TENT4B: variants seen among roughly 807,000 people sequenced by gnomAD.
The protein encoded by TENT4B is terminal nucleotidyltransferase 4B.
Under a neutral mutation model 75.0 loss-of-function variants are expected in TENT4B, and 10 were observed. The ratio of observed to expected loss-of-function variants is 0.13; its 90% CI spans 0.08 to 0.23. The LOEUF is 0.23. Among genes scored for constraint, TENT4B ranks in the 10% least tolerant of loss-of-function variants. The pLI, the probability that TENT4B is intolerant of heterozygous loss-of-function variation, is 1.00. For synonymous variants in TENT4B, 350 were observed against 357.7 expected (o/e 0.98, Z 0.24); for missense variants, 579 against 893.8 (o/e 0.65, Z 4.49).
chr16:50,231,408 A>G lies in TENT4B; in HGVS notation c.*2080A>G. 1.0e-6 allele frequency: 1 copy of G among 984,306 alleles called. No homozygotes were observed. Among genetic ancestry groups the G allele is most frequent in the South Asian group, 4.7e-5 (1 of 21,254 alleles). The allele number at this position is 984,306 out of a possible 1,614,324, so 61.0% of individuals were successfully genotyped here. On this transcript the variant is annotated 3_prime_UTR_variant, in exon 12 of 12. Coordinates refer to ENST00000561678, the MANE Select transcript of TENT4B (RefSeq NM_001365324.3). ...CCAGTATTAGCTGCCTATTTCAGACACTTAATACTTGCAGAGATCTATGTT... is the reference window on the plus strand; with the variant it reads ...CCAGTATTAGCTGCCTATTTCAGACGCTTAATACTTGCAGAGATCTATGTT...
intron 1 of TENT4B, among the ~76,000 whole-genome samples, chr16:50,207,079 T>C (rs557988881): frequency 6.6e-6 from 1 of 152,158 alleles, no homozygotes; most frequent in East Asian, 1.9e-4. Flanking sequence ...TTTTTTTTTT[T>C]TTGGCATCCT....
In TENT4B at chr16:50,192,232, C is replaced by CAA. The variant is rs35218799; in HGVS notation, c.639-19075_639-19074dup. Among the ~76,000 whole-genome samples the CAA allele has an allele frequency of 4.6e-3, 599 of 129,534 alleles. 4 individuals carry two copies. Among genetic ancestry groups the CAA allele is most frequent in the African/African-American group, 0.015 (531 of 34,886 alleles). 85.0% of individuals were successfully genotyped at this position (129,534 alleles called of 152,430 possible). A position where few individuals can be genotyped will look rare whatever the true frequency, so the allele number is the denominator to read the frequency against. On this transcript the variant is annotated intron_variant, in intron 1 of 11. Transcript: ENST00000561678. ...TGGGTGACAGAGCAAGACTCTGTCT[C>CAA]AAAAAAAAAAAAAAAAATCATTAAT...
chr16:50,187,838 A>G (rs1398671118), intron 1 of TENT4B, among the ~76,000 whole-genome samples: 1 of 152,150 alleles, frequency 6.6e-6, no homozygotes, highest in Non-Finnish European at 1.5e-5. Flanking sequence ...CAGCCTGGGC[A>G]ATATAGCAGC....
upstream of TENT4B, chr16:50,153,013 A>T: frequency 6.6e-7 from 1 of 1,517,072 alleles, no homozygotes; most frequent in Non-Finnish European, 8.8e-7. Context: ...CGCGCGCCTC[A>T]GAAGCTCCCG....
intron 11 of TENT4B, among the ~76,000 whole-genome samples, chr16:50,228,609 C>G (rs1177511515): frequency 1.2e-5 from 1 of 82,360 alleles, no homozygotes; most frequent in Non-Finnish European, 3.4e-5. Context: ...GAATAGGCCT[C>G]TTGGCTGTAA....
At chr16:50,222,914 G>T (rs2031893977) in intron 6 of TENT4B, among the ~76,000 whole-genome samples, 1 of 152,068 alleles carries the variant, frequency 6.6e-6, no homozygotes, top group South Asian at 2.1e-4. Context: ...CTGATGTGTT[G>T]GGCCAAGCCA....
At chr16:50,217,017 C>T (rs1230895415) in intron 4 of TENT4B, among the ~76,000 whole-genome samples, 1 of 152,066 alleles carries the variant, frequency 6.6e-6, no homozygotes, top group Non-Finnish European at 1.5e-5. Flanking sequence ...GTAGTGTACA[C>T]CTTAAGAATC....
chr16:50,198,510 A>G (rs1453702739), intron 1 of TENT4B, among the ~76,000 whole-genome samples: 4 of 152,136 alleles, frequency 2.6e-5, no homozygotes, highest in Non-Finnish European at 5.9e-5. Context: ...AATTTAGAGC[A>G]AAGCCAGAAA....
intron 1 of TENT4B, among the ~76,000 whole-genome samples, chr16:50,175,227 G>C (rs1597235280): frequency 6.6e-6 from 1 of 152,138 alleles, no homozygotes; most frequent in South Asian, 2.1e-4. Context: ...TTTTTTCCGA[G>C]TCCGTGACTT....
intron 10 of TENT4B, among the ~76,000 whole-genome samples, chr16:50,226,197 C>T (rs2032045631): frequency 6.6e-6 from 1 of 151,970 alleles, no homozygotes; most frequent in South Asian, 2.1e-4. Flanking sequence ...GATGGGGTTT[C>T]ACCATGTTGG....
intron 1 of TENT4B, among the ~76,000 whole-genome samples, chr16:50,190,229 G>C (rs2038615170): frequency 6.6e-6 from 1 of 151,892 alleles, no homozygotes; most frequent in Non-Finnish European, 1.5e-5. Flanking sequence ...ATGTATCTCT[G>C]CTGATCAGCT....
chr16:50,223,324 C>T lies in TENT4B; in HGVS notation c.1318C>T (p.Gln440Ter). 1 of 1,613,770 alleles carries T rather than the reference C, an allele frequency of 6.2e-7. No individual in the cohort carries two copies. The highest frequency in any genetic ancestry group is 8.5e-7 in the Non-Finnish European group (1 of 1,179,816). ...GGSYVAKDEV[Q>*]KNMLDGYRPS... ...TTCATATGTGGCCAAAGATGAAGTA[C>T]AGAAAAATATGCTAGATGGCTACAG... The change falls in exon 7 of 12, where the codon CAG becomes TAG. Residue 440 changes from glutamine to a stop codon, truncating the protein, a stop_gained. Coordinates refer to ENST00000561678, the MANE Select transcript of TENT4B (RefSeq NM_001365324.3). LOFTEE classifies it high-confidence loss of function.
intron 1 of TENT4B, among the ~76,000 whole-genome samples, chr16:50,192,786 A>G (rs1377918208): frequency 5.3e-5 from 8 of 152,140 alleles, no homozygotes. Flanking sequence ...CTTTTCAACC[A>G]TTAAAAAATG....
intron 1 of TENT4B, among the ~76,000 whole-genome samples, chr16:50,200,992 G>A (rs182956937): frequency 1.6e-3 from 243 of 151,742 alleles, no homozygotes; most frequent in Admixed American, 5.4e-3. Context: ...TGTAGAGGTG[G>A]GATCTCGCCA....
At chr16:50,153,101 CGGCCTCTGTGACGCACGGCGA>C, upstream of TENT4B, 1 of 1,280,226 alleles carries the variant, frequency 7.8e-7, no homozygotes, top group Admixed American at 3.4e-5. Context: ...CGTCGCGCCG[CGGCCTCTGTGACGCACGGCGA>C]GGCCTCCCGG....
At position 50,231,892 on chromosome 16, in the gene TENT4B, TGA is replaced by T; in HGVS notation, c.*2566_*2567del. On this transcript the variant is annotated 3_prime_UTR_variant, in exon 12 of 12. Coordinates refer to ENST00000561678, the MANE Select transcript of TENT4B (RefSeq NM_001365324.3). ...TTTGACTCCTATCTTATTTCTTTTTTGAGTTTTAATACTTCCTATATTTTGTG... is the reference window on the plus strand; with the variant it reads ...TTTGACTCCTATCTTATTTCTTTTTTGTTTTAATACTTCCTATATTTTGTG... 3 of 980,624 alleles carry T rather than the reference TGA, an allele frequency of 3.1e-6. No homozygotes were observed. Among genetic ancestry groups the T allele is most frequent in the Non-Finnish European group, 3.6e-6 (3 of 825,474 alleles). 60.7% of individuals were successfully genotyped at this position (980,624 alleles called of 1,614,324 possible).
chr16:50,202,062 T>G (rs534076308), intron 1 of TENT4B, among the ~76,000 whole-genome samples: 1 of 152,322 alleles, frequency 6.6e-6, no homozygotes, highest in South Asian at 2.1e-4. Flanking sequence ...TTAGTCTTGT[T>G]TTCAGTTTCA....
intron 1 of TENT4B, among the ~76,000 whole-genome samples, chr16:50,184,708 A>G (rs1344104472): frequency 6.6e-6 from 1 of 151,360 alleles, no homozygotes; most frequent in African/African-American, 2.4e-5. Context: ...ATCATGCTTG[A>G]GGGTTTTTTT....
At chr16:50,213,250 G>T (rs2031382888) in intron 2 of TENT4B, among the ~76,000 whole-genome samples, 1 of 152,190 alleles carries the variant, frequency 6.6e-6, no homozygotes, top group Admixed American at 6.5e-5. Context: ...GTAGAGGTGG[G>T]ATTTCATCAT....
Sources: gnomAD v4.1 joint callset for allele counts (sites outside exome capture counted in the v4.1 genomes callset) on GRCh38, gnomAD v4.1.1 for gene constraint, MANE v1.5 for transcripts, NCBI Gene and HGNC (gene_info 2026-07-23, HGNC 2026-07-21) for gene names.